The following CSMD1 variants were observed in gnomAD, a reference collection of about 807,000 sequenced individuals.
CSMD1 encodes the protein CUB and Sushi multiple domains 1, also known as CUB and sushi domain-containing protein 1.
CSMD1 carries 213 observed loss-of-function variants against 417.5 expected under a neutral mutation model. The ratio of observed to expected loss-of-function variants is 0.51; its 90% CI spans 0.46 to 0.57. CSMD1 has a LOEUF of 0.57. Among genes scored for constraint, CSMD1 ranks in the 20% least tolerant of loss-of-function variants. CSMD1 has a pLI of 0.00. For synonymous variants in CSMD1, 2,862 were observed against 1,736.8 expected (o/e 1.65, Z -16.11); for missense variants, 6,923 against 4,529.7 (o/e 1.53, Z -15.17).
At chr8:3,938,907 T>C (rs1352487912) in intron 5 of CSMD1, among the ~76,000 whole-genome samples, 1 of 152,146 alleles carries the variant, frequency 6.6e-6, no homozygotes, top group Non-Finnish European at 1.5e-5. Context: ...ATATGCTCAA[T>C]ACTCTATCAT....
At chr8:4,605,575 T>C (rs989460133) in intron 2 of CSMD1, among the ~76,000 whole-genome samples, 6 of 152,168 alleles carry the variant, frequency 3.9e-5, no homozygotes, top group African/African-American at 1.4e-4. Context: ...TCTAAAGACT[T>C]TGGGAGGCAA....
chr8:3,524,032 C>T (rs1222543842), intron 10 of CSMD1, among the ~76,000 whole-genome samples: 1 of 113,240 alleles, frequency 8.8e-6, no homozygotes, highest in Admixed American at 1.0e-4. Context: ...CACACACACA[C>T]ATGCACACCC....
chr8:4,944,353 T>A (rs1306988900), intron 1 of CSMD1, among the ~76,000 whole-genome samples: 1 of 152,178 alleles, frequency 6.6e-6, no homozygotes, highest in Non-Finnish European at 1.5e-5. Flanking sequence ...GAGTTTGGGT[T>A]TAAATTATAA....
chr8:3,525,184 G>C (rs187872367), intron 10 of CSMD1, among the ~76,000 whole-genome samples: 1 of 152,132 alleles, frequency 6.6e-6, no homozygotes, highest in East Asian at 1.9e-4. Context: ...TGTTCTGTGT[G>C]AGACTCAGCC....
At chr8:4,196,429 G>A (rs552460585) in intron 3 of CSMD1, among the ~76,000 whole-genome samples, 2 of 152,118 alleles carry the variant, frequency 1.3e-5, no homozygotes, top group African/African-American at 2.4e-5. Context: ...TCAGGCTACA[G>A]TCCTTTCTGA....
intron 3 of CSMD1, among the ~76,000 whole-genome samples, chr8:4,357,201 T>C (rs1305903994): frequency 6.6e-6 from 1 of 152,164 alleles, no homozygotes; most frequent in African/African-American, 2.4e-5. Context: ...TGTTCTTAAG[T>C]AGCTAAGGGT....
intron 2 of CSMD1, among the ~76,000 whole-genome samples, chr8:4,621,183 T>A (rs907819884): frequency 6.6e-6 from 1 of 152,074 alleles, no homozygotes; most frequent in Non-Finnish European, 1.5e-5. Flanking sequence ...GACCTATAAA[T>A]AATGAGAAAT....
Position 3,077,719 on chromosome 8 carries a change from C to A in CSMD1, c.7474+9378G>T, listed in dbSNP as rs567142427. Among the ~76,000 whole-genome samples, 245 of 152,348 alleles carry A rather than the reference C, an allele frequency of 1.6e-3. 1 individual carries two copies. Among genetic ancestry groups the A allele is most frequent in the South Asian group, 5.2e-3 (25 of 4,824 alleles). Reference sequence around the variant, plus strand: ...CGACCCCGGCTTGCCTACACATTTTCCCCCAGAGCTGCTCTTCTTTCTGCC... The same window carrying A: ...CGACCCCGGCTTGCCTACACATTTTACCCCAGAGCTGCTCTTCTTTCTGCC... On this transcript the variant is annotated intron_variant, in intron 49 of 69. Coordinates refer to ENST00000635120, the MANE Select transcript of CSMD1 (RefSeq NM_033225.6).
intron 14 of CSMD1, among the ~76,000 whole-genome samples, chr8:3,407,313 G>A (rs567965626): frequency 6.6e-6 from 1 of 152,060 alleles, no homozygotes; most frequent in East Asian, 1.9e-4. Flanking sequence ...ACGGAATAAT[G>A]GATGAATGGA....
intron 33 of CSMD1, among the ~76,000 whole-genome samples, chr8:3,197,414 TG>T (rs1351246623): frequency 6.6e-6 from 1 of 152,188 alleles, no homozygotes; most frequent in East Asian, 1.9e-4. Context: ...GCTGTAATGG[TG>T]TATGAAAGCA....
At chr8:3,160,830 G>C (rs946375217) in intron 38 of CSMD1, among the ~76,000 whole-genome samples, 1 of 152,152 alleles carries the variant, frequency 6.6e-6, no homozygotes, top group Non-Finnish European at 1.5e-5. Context: ...TGTATATAAA[G>C]CACTTGGTAA....
intron 5 of CSMD1, among the ~76,000 whole-genome samples, chr8:3,989,390 AC>A (rs920705010): frequency 2.0e-5 from 3 of 152,186 alleles, no homozygotes; most frequent in African/African-American, 7.2e-5. Flanking sequence ...TAATGAAAAA[AC>A]GACAGAGGAC....
chr8:4,633,116 A>G (rs1444444589), intron 2 of CSMD1, among the ~76,000 whole-genome samples: 1 of 152,164 alleles, frequency 6.6e-6, no homozygotes, highest in African/African-American at 2.4e-5. Context: ...TGGGGCAGGA[A>G]AGGATCGTGC....
At chr8:4,698,970 G>T (rs193214111) in intron 1 of CSMD1, among the ~76,000 whole-genome samples, 2 of 151,014 alleles carry the variant, frequency 1.3e-5, no homozygotes, top group South Asian at 4.2e-4. Flanking sequence ...AACACGTCAG[G>T]ATTATCACTG....
At chr8:4,926,777 C>G (rs1806899196) in intron 1 of CSMD1, among the ~76,000 whole-genome samples, 1 of 152,072 alleles carries the variant, frequency 6.6e-6, no homozygotes, top group African/African-American at 2.4e-5. Flanking sequence ...TTCATGTCAT[C>G]TCTCTGTATT....
chr8:4,545,559 T>A (rs1368093876), intron 2 of CSMD1, among the ~76,000 whole-genome samples: 1 of 152,076 alleles, frequency 6.6e-6, no homozygotes, highest in African/African-American at 2.4e-5. Flanking sequence ...AACACAAAAA[T>A]GAAAGGTTCT....
chr8:3,496,987 T>A (rs1239606346), intron 10 of CSMD1, among the ~76,000 whole-genome samples: 2 of 152,242 alleles, frequency 1.3e-5, no homozygotes, highest in East Asian at 3.8e-4. Context: ...ATTTTATCTG[T>A]TACAGTCAAA....
At chr8:3,206,245 TGGG>T (rs1275844975) in intron 30 of CSMD1, among the ~76,000 whole-genome samples, 2 of 114,664 alleles carry the variant, frequency 1.7e-5, no homozygotes, top group African/African-American at 3.3e-5. Context: ...TGTATGTGTG[TGGG>T]GGGTATGTAT....
Position 4,765,196 on chromosome 8 carries a change from G to A in CSMD1, c.86-127638C>T, listed in dbSNP as rs988016128. Among the ~76,000 whole-genome samples the A allele has an allele frequency of 3.3e-5, 5 of 151,678 alleles. No individual in the cohort carries two copies. In the East Asian group the frequency reaches 5.8e-4, roughly 18 times the overall value. On this transcript the variant is annotated intron_variant, in intron 1 of 69. Coordinates refer to ENST00000635120, the MANE Select transcript of CSMD1 (RefSeq NM_033225.6). ...TATTTTTTAGAAACTGTGTTCTTCC[G>A]TCTCATAAAAAAAATGGCATAGCTC...
Sources: allele counts gnomAD v4.1 joint callset (sites outside exome capture counted in the v4.1 genomes callset), GRCh38; gene constraint gnomAD v4.1.1; transcripts MANE v1.5; gene names NCBI Gene and HGNC (gene_info 2026-07-23, HGNC 2026-07-21).